Variants in SAMTOR observed in about 807,000 individuals in gnomAD.
The protein encoded by SAMTOR is S-adenosylmethionine sensor upstream of mTORC1, also known as UPF0532 protein C7orf60.
the SAMTOR span, among the ~76,000 whole-genome samples, chr7:112,880,469 T>G: frequency 6.6e-6 from 1 of 152,154 alleles, no homozygotes; most frequent in Non-Finnish European, 1.5e-5. Flanking sequence ...TAAGCACAGA[T>G]CATTTGCACT....
At chr7:112,917,450 A>C in the SAMTOR span, among the ~76,000 whole-genome samples, 1 of 152,226 alleles carries the variant, frequency 6.6e-6, no homozygotes, top group African/African-American at 2.4e-5. Context: ...CCATCTGTAC[A>C]TCACCATCAT....
At chr7:112,879,678 T>C in the SAMTOR span, among the ~76,000 whole-genome samples, 1 of 152,178 alleles carries the variant, frequency 6.6e-6, no homozygotes, top group Admixed American at 6.5e-5. Flanking sequence ...AGTAACATAT[T>C]GGAGCTTCAA....
At chr7:112,892,008 T>C in the SAMTOR span, among the ~76,000 whole-genome samples, 1 of 152,252 alleles carries the variant, frequency 6.6e-6, no homozygotes, top group Non-Finnish European at 1.5e-5. Flanking sequence ...AGCATTTTAC[T>C]CACAGAATTT....
At chr7:112,913,031 G>A in the SAMTOR span, among the ~76,000 whole-genome samples, 1 of 152,140 alleles carries the variant, frequency 6.6e-6, no homozygotes, top group Non-Finnish European at 1.5e-5. Context: ...CTGATTTCCT[G>A]ACTTTCTGTT....
At chr7:112,852,297 C>T in the SAMTOR span, among the ~76,000 whole-genome samples, 1,626 of 152,142 alleles carry the variant, frequency 0.011, 30 homozygotes, top group African/African-American at 0.037. Context: ...AATGAAATTA[C>T]GTCTTTTGCA....
the SAMTOR span, among the ~76,000 whole-genome samples, chr7:112,837,986 CT>C: frequency 6.6e-6 from 1 of 151,964 alleles, no homozygotes; most frequent in African/African-American, 2.4e-5. Flanking sequence ...ATACAGCATT[CT>C]TGTGCTCAGG....
At chr7:112,855,132 T>C in the SAMTOR span, among the ~76,000 whole-genome samples, 2 of 152,178 alleles carry the variant, frequency 1.3e-5, no homozygotes, top group African/African-American at 2.4e-5. Context: ...TGATTTCAGA[T>C]GGGATTAAAA....
At chr7:112,895,192 T>G in the SAMTOR span, among the ~76,000 whole-genome samples, 2 of 151,532 alleles carry the variant, frequency 1.3e-5, no homozygotes, top group African/African-American at 2.4e-5. Context: ...TGTTATATAA[T>G]TACATATTAC....
the SAMTOR span, among the ~76,000 whole-genome samples, chr7:112,837,748 G>A: frequency 2.2e-3 from 337 of 152,022 alleles, 2 homozygotes; most frequent in Admixed American, 3.5e-3. Flanking sequence ...GACCATGAAT[G>A]TTGAATTAGT....
chr7:112,882,428 C>T, the SAMTOR span, among the ~76,000 whole-genome samples: 1 of 152,130 alleles, frequency 6.6e-6, no homozygotes, highest in South Asian at 2.1e-4. Flanking sequence ...TAGTAGCTCA[C>T]GCCTGTAATC....
chr7:112,918,756 T>C, the SAMTOR span, among the ~76,000 whole-genome samples: 94 of 152,228 alleles, frequency 6.2e-4, no homozygotes, highest in Non-Finnish European at 1.6e-4. Context: ...GAGGAAGATC[T>C]ACCAAGCAAA....
At chr7:112,928,405 C>T in the SAMTOR span, among the ~76,000 whole-genome samples, 1 of 151,946 alleles carries the variant, frequency 6.6e-6, no homozygotes, top group African/African-American at 2.4e-5. Context: ...ACACTTCCCT[C>T]ATCTGCCATC....
the SAMTOR span, among the ~76,000 whole-genome samples, chr7:112,867,620 T>C: frequency 6.6e-6 from 1 of 152,216 alleles, no homozygotes; most frequent in Non-Finnish European, 1.5e-5. Flanking sequence ...GATAGGATTT[T>C]GCATGTGTCA....
chr7:112,905,058 C>T, the SAMTOR span, among the ~76,000 whole-genome samples: 2 of 152,156 alleles, frequency 1.3e-5, no homozygotes. Flanking sequence ...ACTACTAAAT[C>T]AACTCAAGAC....
the SAMTOR span, among the ~76,000 whole-genome samples, chr7:112,910,910 T>C: frequency 6.6e-6 from 1 of 152,072 alleles, no homozygotes. Context: ...AACAACGTAT[T>C]AAAAAGAAAT....
the SAMTOR span, among the ~76,000 whole-genome samples, chr7:112,932,064 T>C: frequency 1.3e-5 from 2 of 152,044 alleles, no homozygotes; most frequent in Admixed American, 1.3e-4. Flanking sequence ...TAGCTGGGAC[T>C]ACAGGCACAT....
At chr7:112,866,464 C>G in the SAMTOR span, among the ~76,000 whole-genome samples, 1 of 152,234 alleles carries the variant, frequency 6.6e-6, no homozygotes, top group Non-Finnish European at 1.5e-5. Flanking sequence ...GAAGCCACCT[C>G]TGCCTTTGGC....
the SAMTOR span, among the ~76,000 whole-genome samples, chr7:112,855,388 G>T: frequency 6.6e-6 from 1 of 152,126 alleles, no homozygotes; most frequent in Non-Finnish European, 1.5e-5. Flanking sequence ...GTGCAGGCAG[G>T]CATGGCTGGT....
chr7:112,879,821 T>A, the SAMTOR span, among the ~76,000 whole-genome samples: 1 of 152,178 alleles, frequency 6.6e-6, no homozygotes, highest in Non-Finnish European at 1.5e-5. Flanking sequence ...GGTTTTAGCT[T>A]AAAACTCATT....
Sources: gnomAD v4.1 joint callset for allele counts (sites outside exome capture counted in the v4.1 genomes callset) on GRCh38, gnomAD v4.1.1 for gene constraint, MANE v1.5 for transcripts, NCBI Gene and HGNC (gene_info 2026-07-23, HGNC 2026-07-21) for gene names.